LINGO1: variants seen among roughly 807,000 people sequenced by gnomAD.
LINGO1 encodes the protein leucine-rich repeat and immunoglobulin-like domain-containing nogo receptor-interacting protein 1.
LINGO1 carries 11 observed loss-of-function variants against 37.3 expected under a neutral mutation model. The observed-to-expected ratio is 0.29, with a 90% confidence interval of 0.19 to 0.49. LINGO1 has a LOEUF of 0.49. Ranked by LOEUF, LINGO1 falls within the 20% of genes least tolerant of loss-of-function variation. The pLI is 0.99. For missense variants in LINGO1, 585 were observed against 878.2 expected (o/e 0.67, Z 4.22); for synonymous variants, 387 against 403.0 (o/e 0.96, Z 0.48).
chr15:77,711,302 T>A (rs2141292834), intron 2 of LINGO1, among the ~76,000 whole-genome samples: 1 of 152,386 alleles, frequency 6.6e-6, no homozygotes, highest in East Asian at 1.9e-4. Flanking sequence ...GTCTCCCCTA[T>A]GAGACTGTGG....
At chr15:77,656,033 G>A (rs769776601) in intron 3 of LINGO1, among the ~76,000 whole-genome samples, 30 of 152,346 alleles carry the variant, frequency 2.0e-4, no homozygotes, top group Non-Finnish European at 3.7e-4. Context: ...CAGGGTCTGC[G>A]TCCTCTACCC....
intron 1 of LINGO1, among the ~76,000 whole-genome samples, chr15:77,619,695 C>CAATA (rs941544375): frequency 2.1e-5 from 3 of 140,704 alleles, no homozygotes. Context: ...TCTGTAAAAA[C>CAATA]AATAAATAAA....
chr15:77,716,776 C>T (rs1013498562), intron 2 of LINGO1, among the ~76,000 whole-genome samples: 1 of 150,156 alleles, frequency 6.7e-6, no homozygotes, highest in African/African-American at 2.4e-5. Context: ...CCTCAGTCCC[C>T]CCATGTGATA....
intron 1 of LINGO1, among the ~76,000 whole-genome samples, chr15:77,626,349 G>A (rs1469374548): frequency 6.6e-6 from 1 of 152,230 alleles, no homozygotes; most frequent in African/African-American, 2.4e-5. Context: ...CCAAGGTCCA[G>A]TGAGTTCTGT....
intron 1 of LINGO1, among the ~76,000 whole-genome samples, chr15:77,623,103 A>C (rs28720884): frequency 0.23 from 35,427 of 152,176 alleles, 6,687 homozygotes; most frequent in African/African-American, 0.53. Flanking sequence ...CACCAGACAA[A>C]TGCTGCGAGG....
chr15:77,642,923 G>C (rs942555581), intron 3 of LINGO1, among the ~76,000 whole-genome samples: 15 of 152,222 alleles, frequency 9.9e-5, no homozygotes, highest in African/African-American at 3.4e-4. Flanking sequence ...GCACAGAGAG[G>C]TGCCTTAGCT....
intron 1 of LINGO1, among the ~76,000 whole-genome samples, chr15:77,813,005 C>T (rs1031634352): frequency 6.6e-6 from 1 of 152,204 alleles, no homozygotes; most frequent in African/African-American, 2.4e-5. Context: ...CTGCATGACC[C>T]GGATCAGCCT....
chr15:77,656,464 C>A (rs962757832), intron 3 of LINGO1, among the ~76,000 whole-genome samples: 2 of 152,204 alleles, frequency 1.3e-5, no homozygotes, highest in Non-Finnish European at 2.9e-5. Flanking sequence ...TGCCAGTGTG[C>A]GGGTTCTCAT....
At chr15:77,782,340 T>A (rs1445827078) in intron 1 of LINGO1, among the ~76,000 whole-genome samples, 5 of 152,032 alleles carry the variant, frequency 3.3e-5, no homozygotes, top group Admixed American at 3.3e-4. Context: ...CCACTCAGGG[T>A]CTTGCTTTCT....
intron 1 of LINGO1, among the ~76,000 whole-genome samples, chr15:77,627,007 G>T (rs1375936424): frequency 4.9e-5 from 7 of 143,514 alleles, no homozygotes; most frequent in Non-Finnish European, 7.6e-5. Context: ...GAAGAAGCGT[G>T]CTGGCCAGGC....
chr15:77,793,541 C>T (rs1031757157), intron 2 of LINGO1, among the ~76,000 whole-genome samples: 5 of 152,212 alleles, frequency 3.3e-5, no homozygotes, highest in Non-Finnish European at 7.3e-5. Context: ...GCTGGGCCTA[C>T]CCTGCCACCC....
intron 1 of LINGO1, among the ~76,000 whole-genome samples, chr15:77,775,287 C>G (rs1297703799): frequency 6.6e-6 from 1 of 152,194 alleles, no homozygotes; most frequent in African/African-American, 2.4e-5. Context: ...CTCCCTGGAC[C>G]TGGCTCTGCC....
chr15:77,795,332 C>T (rs1399926704), intron 2 of LINGO1, among the ~76,000 whole-genome samples: 1 of 152,182 alleles, frequency 6.6e-6, no homozygotes, highest in Non-Finnish European at 1.5e-5. Context: ...GACCTGTCGC[C>T]TCCCACATTC....
At chr15:77,617,143 C>T (rs1289324578) in intron 1 of LINGO1, among the ~76,000 whole-genome samples, 1 of 152,168 alleles carries the variant, frequency 6.6e-6, no homozygotes. Flanking sequence ...GAGCGGGGTC[C>T]AGCTTGCATA....
intron 1 of LINGO1, among the ~76,000 whole-genome samples, chr15:77,771,302 G>A: frequency 6.6e-6 from 1 of 152,172 alleles, no homozygotes; most frequent in East Asian, 1.9e-4. Context: ...AACTCCAGCA[G>A]GACATGGCAT....
At chr15:77,789,272 T>C (rs2076799864), upstream of LINGO1, among the ~76,000 whole-genome samples, 1 of 152,156 alleles carries the variant, frequency 6.6e-6, no homozygotes, top group South Asian at 2.1e-4. Flanking sequence ...CATACTGGAG[T>C]ATGGCGGCCC....
At chr15:77,682,991 A>G (rs1270606909) in intron 2 of LINGO1, among the ~76,000 whole-genome samples, 2 of 152,206 alleles carry the variant, frequency 1.3e-5, no homozygotes, top group African/African-American at 4.8e-5. Context: ...CAAAACAGAC[A>G]AAGTTTTTAA....
chr15:77,742,260 C>A (rs3935683), intron 1 of LINGO1, among the ~76,000 whole-genome samples: 56,684 of 151,974 alleles, frequency 0.37, 11,375 homozygotes, highest in Admixed American at 0.52. Flanking sequence ...GGCTGGCCCC[C>A]ACCCTGGCTT....
chr15:77,662,264 T>G (rs1442125987), intron 3 of LINGO1, among the ~76,000 whole-genome samples: 1 of 152,168 alleles, frequency 6.6e-6, no homozygotes, highest in Non-Finnish European at 1.5e-5. Context: ...CACCCCACCC[T>G]GCTCAGCTGC....
Sources: allele counts gnomAD v4.1 joint callset (sites outside exome capture counted in the v4.1 genomes callset), GRCh38; gene constraint gnomAD v4.1.1; transcripts MANE v1.5; gene names NCBI Gene and HGNC (gene_info 2026-07-23, HGNC 2026-07-21).